LHCGR: variants seen among roughly 807,000 people sequenced by gnomAD.
The protein encoded by LHCGR is lutropin-choriogonadotropic hormone receptor.
In LHCGR, 55 loss-of-function variants were observed where a neutral mutation model predicts 60.7. The ratio of observed to expected loss-of-function variants is 0.91; its 90% CI spans 0.73 to 1.13. The LOEUF (loss-of-function observed/expected upper bound fraction) is 1.13, where lower values mean the gene tolerates loss of function less well. Among genes scored for constraint, LHCGR ranks in the 50% most tolerant of loss-of-function variants. The probability of loss-of-function intolerance (pLI) is 0.00; values close to 1 mark genes in which losing one functional copy is unlikely to be tolerated. For missense variants in LHCGR, 862 were observed against 836.0 expected (o/e 1.03, Z -0.38); for synonymous variants, 337 against 316.5 (o/e 1.06, Z -0.69).
intron 6 of LHCGR, chr2:48,721,360 G>T (rs952086672): frequency 4.3e-5 from 9 of 209,060 alleles, no homozygotes; most frequent in African/African-American, 1.2e-4. Flanking sequence ...GCTGTGGTGT[G>T]TGAGGGAAGT....
At position 48,708,187 on chromosome 2, in the gene LHCGR, C is replaced by T. The variant is rs76271573; in HGVS notation, c.680+761G>A. Among the ~76,000 whole-genome samples the T allele has an allele frequency of 7.3e-3, 1,106 of 152,222 alleles. 8 individuals are homozygous for T. Among genetic ancestry groups the T allele is most frequent in the African/African-American group, 0.024 (1,002 of 41,528 alleles). ...CAATTTCCCATGTATCCTTTAAAACCCCTTTAACTGAGAGAGCCTGGCCCT... is the reference window on the plus strand; with the variant it reads ...CAATTTCCCATGTATCCTTTAAAACTCCTTTAACTGAGAGAGCCTGGCCCT... On this transcript the variant is annotated intron_variant, in intron 8 of 10. Coordinates refer to ENST00000294954, the MANE Select transcript of LHCGR (RefSeq NM_000233.4).
Position 48,694,238 on chromosome 2 carries a change from C to A in LHCGR, c.933G>T (p.Val311=). 6.3e-7 allele frequency: 1 copy of A among 1,580,926 alleles called. No homozygotes were observed. The change falls in exon 10 of 11, where the codon GTG becomes GTT. Residue 311 remains valine (V), a synonymous_variant. Transcript: ENST00000294954. ...CAAATACTTACAGTGTTTTGTTATTCACTTTCCTTACTGTGCTTTCACATT... is the reference window on the plus strand; with the variant it reads ...CAAATACTTACAGTGTTTTGTTATTAACTTTCCTTACTGTGCTTTCACATT... ...SKQCESTVRK[V]NNKTLYSSML... is the part of the protein sequence containing the mutation.
intron 3 of LHCGR, among the ~76,000 whole-genome samples, chr2:48,726,495 G>A (rs185328386): frequency 1.6e-4 from 24 of 152,170 alleles, no homozygotes; most frequent in African/African-American, 3.4e-4. Context: ...TGCCCTCCCC[G>A]CCCAACTCCC....
At position 48,688,406 on chromosome 2, in the gene LHCGR, C is replaced by T; in HGVS notation, c.1391G>A (p.Arg464Lys). 1 of 1,614,160 alleles carries T rather than the reference C, an allele frequency of 6.2e-7. No individual in the cohort carries two copies. The highest frequency in any genetic ancestry group is 8.5e-7 in the Non-Finnish European group (1 of 1,180,034). ...AATAGCATAGGTGATGGTGTGCCAT[C>T]TTTCTAGAGTGATGACGGTGAGGGT... Reference protein sequence around the residue: ...VYTLTVITLERWHTITYAIHL... With the variant: ...VYTLTVITLEKWHTITYAIHL... The change falls in exon 11 of 11, where the codon AGA becomes AAA. Residue 464 changes from arginine (R) to lysine (K), a missense_variant. Physicochemically the swap from Arg to Lys is conservative, Grantham distance 26 (BLOSUM62 2). Coordinates refer to ENST00000294954, the MANE Select transcript of LHCGR (RefSeq NM_000233.4). This position sits in a 1 kb window ranked among gnomAD's most constrained non-coding sequence, Gnocchi z 5.2.
chr2:48,752,253 C>A (rs935330282), intron 1 of LHCGR, among the ~76,000 whole-genome samples: 1 of 152,138 alleles, frequency 6.6e-6, no homozygotes, highest in African/African-American at 2.4e-5. Context: ...AGCTATAATC[C>A]ATGTACCTTG....
intron 1 of LHCGR, among the ~76,000 whole-genome samples, chr2:48,735,863 T>G (rs1472308894): frequency 6.6e-6 from 1 of 152,172 alleles, no homozygotes; most frequent in Non-Finnish European, 1.5e-5. Flanking sequence ...CAAATTGTAA[T>G]TCCCAGTGTT....
At chr2:48,704,830 CA>C (rs1558830246) in intron 8 of LHCGR, among the ~76,000 whole-genome samples, 1 of 152,100 alleles carries the variant, frequency 6.6e-6, no homozygotes, top group Non-Finnish European at 1.5e-5. Flanking sequence ...TTAATCTATT[CA>C]AAAAACCAGC....
Position 48,698,739 on chromosome 2 carries a change from G to A in LHCGR, c.742C>T (p.Leu248=), listed in dbSNP as rs1475202403. 3.1e-6 allele frequency: 5 copies of A among 1,613,976 alleles called. No individual in the cohort carries two copies. The highest frequency in any genetic ancestry group is 3.3e-5 in the Admixed American group (2 of 60,000). The change falls in exon 9 of 11, where the codon CTA becomes TTA. Residue 248 remains leucine, a synonymous_variant. Coordinates refer to ENST00000294954, the MANE Select transcript of LHCGR (RefSeq NM_000233.4). The stretch of plus-strand genomic sequence containing the variant: ...AGAGAATAGGATGACGTGGCAATTA[G>A]CCTCTGAATGGACTCTAGGCCATAG... ...PSYGLESIQR[L]IATSSYSLKK...
In LHCGR at chr2:48,688,639, T is replaced by C; in HGVS notation, c.1158A>G (p.Thr386=). The change falls in exon 11 of 11, where the codon ACA becomes ACG. Residue 386 remains threonine, a synonymous_variant. Transcript: ENST00000294954. The surrounding 1 kb of genome is among the most constrained non-coding windows in gnomAD (Gnocchi z 5.2). ...GAGGCACTGTAAGTTTGTAACGACTTGTCAGGAGAACAAAAAGAACAGTCA... is the reference window on the plus strand; with the variant it reads ...GAGGCACTGTAAGTTTGTAACGACTCGTCAGGAGAACAAAAAGAACAGTCA... ...GNMTVLFVLL[T]SRYKLTVPRF... 1 of 1,614,176 alleles carries C rather than the reference T, an allele frequency of 6.2e-7. No individual in the cohort carries two copies. Among genetic ancestry groups the C allele is most frequent in the Non-Finnish European group, 8.5e-7 (1 of 1,180,040 alleles).
Position 48,694,280 on chromosome 2 carries a change from A to G in LHCGR, c.891T>C (p.Ser297=), listed in dbSNP as rs1572817740. The G allele has an allele frequency of 6.2e-7, 1 of 1,600,962 alleles. No individual in the cohort carries two copies. The highest frequency in any genetic ancestry group is 8.5e-7 in the Non-Finnish European group (1 of 1,170,070). The change falls in exon 10 of 11, where the codon TCT becomes TCC. Residue 297 remains serine (S), a synonymous_variant. Coordinates refer to ENST00000294954, the MANE Select transcript of LHCGR (RefSeq NM_000233.4). ...TTTCACATTGTTTGGAAAAGTTTTC[A>G]GAAATGGAATGTGAAAAATTCTGTC... ...TKEQNFSHSI[S]ENFSKQCEST...
rs121912534 is a variant in LHCGR, at chr2:48,688,094, G to T, written c.1703C>A (p.Ala568Asp). The T allele has an allele frequency of 6.2e-7, 1 of 1,613,996 alleles. No individual in the cohort carries two copies. Among genetic ancestry groups the T allele is most frequent in the African/African-American group, 1.3e-5 (1 of 74,886 alleles). Reference sequence around the variant, plus strand: ...GAAGATGAGGATTGCCATTTTCTTAGCAATCTTTGTATCTTTATTGGTAGC... The same window carrying T: ...GAAGATGAGGATTGCCATTTTCTTATCAATCTTTGTATCTTTATTGGTAGC... ...LMATNKDTKI[A>D]KKMAILIFTD... Residue 568 changes from alanine (A) to aspartate (D), a missense_variant, in exon 11 of 11, where the codon GCT (alanine) becomes GAT (aspartate). Physicochemically the swap from Ala to Asp is moderately radical, Grantham distance 126. Transcript: ENST00000294954. The surrounding 1 kb of genome is among the most constrained non-coding windows in gnomAD (Gnocchi z 5.2).
intron 8 of LHCGR, among the ~76,000 whole-genome samples, chr2:48,699,045 C>G (rs1023475575): frequency 3.3e-5 from 5 of 151,970 alleles, no homozygotes; most frequent in Non-Finnish European, 5.9e-5. Flanking sequence ...AGGATGGTGT[C>G]GATCTTCTGA....
chr2:48,739,357 G>T (rs1465211310), intron 1 of LHCGR, among the ~76,000 whole-genome samples: 3 of 152,142 alleles, frequency 2.0e-5, no homozygotes, highest in Admixed American at 2.0e-4. Context: ...AAAGACACAT[G>T]CACACGTGTA....
chr2:48,742,555 A>G (rs1669508059), intron 1 of LHCGR, among the ~76,000 whole-genome samples: 1 of 151,972 alleles, frequency 6.6e-6, no homozygotes, highest in Admixed American at 6.6e-5. Flanking sequence ...AAACCGCTCA[A>G]CTACATGGAA....
chr2:48,733,975 A>G (rs1003835960), intron 1 of LHCGR, among the ~76,000 whole-genome samples: 3 of 152,208 alleles, frequency 2.0e-5, no homozygotes, highest in African/African-American at 7.2e-5. Context: ...TAGCAATGTG[A>G]ACAATGATCT....
intron 1 of LHCGR, among the ~76,000 whole-genome samples, chr2:48,738,534 A>G (rs1314523839): frequency 6.6e-6 from 1 of 152,162 alleles, no homozygotes; most frequent in Non-Finnish European, 1.5e-5. Context: ...CCACCCCCTC[A>G]GCCAACCTAT....
intron 6 of LHCGR, among the ~76,000 whole-genome samples, chr2:48,717,486 T>C (rs1668302634): frequency 6.6e-6 from 1 of 152,318 alleles, no homozygotes; most frequent in East Asian, 1.9e-4. Flanking sequence ...AATGTAAATA[T>C]ATGTTAAACA....
In LHCGR at chr2:48,755,722, A is replaced by G; in HGVS notation, c.-51T>C. The G allele has an allele frequency of 6.5e-7, 1 of 1,532,356 alleles. No homozygotes were observed. Among genetic ancestry groups the G allele is most frequent in the Non-Finnish European group, 8.7e-7 (1 of 1,145,908 alleles). 94.9% of individuals were successfully genotyped at this position (1,532,356 alleles called of 1,614,324 possible). ...TTGCCAGTGTCTTGGACGGCCTCTG[A>G]GTGCGGCCCGCACCCCTCTCCCCGC... On this transcript the variant is annotated 5_prime_UTR_variant, in exon 1 of 11. Transcript: ENST00000294954.
At chr2:48,713,279 T>C (rs982763295) in intron 7 of LHCGR, among the ~76,000 whole-genome samples, 9 of 152,234 alleles carry the variant, frequency 5.9e-5, no homozygotes, top group African/African-American at 2.2e-4. Flanking sequence ...ACTTTTCATG[T>C]GCTCTTAGTT....
Sources: gnomAD v4.1 joint callset for allele counts (sites outside exome capture counted in the v4.1 genomes callset) on GRCh38, gnomAD v4.1.1 for gene constraint, Gnocchi (gnomAD v3.1) non-coding constraint, MANE v1.5 for transcripts, NCBI Gene and HGNC (gene_info 2026-07-23, HGNC 2026-07-21) for gene names.